The following CDS2 variants were observed in gnomAD, a reference collection of about 807,000 sequenced individuals.
CDS2 encodes CDP-diacylglycerol synthase 2.
A neutral mutation model predicts 59.0 loss-of-function variants in CDS2; 47 were observed. The observed-to-expected ratio is 0.80, with a 90% CI of 0.63 to 1.02. The LOEUF (loss-of-function observed/expected upper bound fraction) is 1.02. Among genes scored for constraint, CDS2 ranks in the 50% least tolerant of loss-of-function variants. CDS2 has a pLI of 0.00. For missense variants in CDS2, 356 were observed against 558.9 expected, an observed-to-expected ratio of 0.64 and a Z score of 3.66; for synonymous variants, 207 against 206.4, an observed-to-expected ratio of 1.00 and a Z score of -0.02.
At chr20:5,145,822 G>GTTTTTTTTTTTTT (rs11470811) in intron 1 of CDS2, among the ~76,000 whole-genome samples, 4 of 129,262 alleles carry the variant, frequency 3.1e-5, no homozygotes, top group South Asian at 2.5e-4. Context: ...TGCTTTTTGT[G>GTTTTTTTTTTTTT]TTTTTTTTTT....
At chr20:5,135,374 C>T (rs1286411622) in intron 1 of CDS2, among the ~76,000 whole-genome samples, 3 of 152,236 alleles carry the variant, frequency 2.0e-5, no homozygotes, top group Non-Finnish European at 4.4e-5. Flanking sequence ...TGTTAAGCTA[C>T]ATTCTATGTT....
chr20:5,140,032 C>A (rs563264127), intron 1 of CDS2, among the ~76,000 whole-genome samples: 4 of 152,166 alleles, frequency 2.6e-5, no homozygotes, highest in Non-Finnish European at 5.9e-5. Flanking sequence ...GAACTCCTGA[C>A]GTCAGGCGAT....
chr20:5,137,806 GT>G lies in CDS2; in HGVS notation c.57+10667del, dbSNP rs539554964. 3.8e-3 allele frequency among the ~76,000 whole-genome samples: 555 copies of G among 144,854 alleles called. 4 individuals carry two copies. Among genetic ancestry groups the G allele is most frequent in the African/African-American group, 0.013 (528 of 39,526 alleles). ...CTCAAACATTTATCATTTCTTTTTTGTTTTTTTTTTGAGACGGAGTCTCGCT... is the reference window on the plus strand; with the variant it reads ...CTCAAACATTTATCATTTCTTTTTTGTTTTTTTTTGAGACGGAGTCTCGCT... On this transcript the variant is annotated intron_variant, in intron 1 of 12. Coordinates refer to ENST00000460006, the MANE Select transcript of CDS2 (RefSeq NM_003818.4).
chr20:5,182,459 AT>A lies in CDS2; in HGVS notation c.588+15del. ...CAGTTCTACATGGTAAAGGAAATGC[AT>A]GCGTGTGTGTCAGAATTCTTGATTT... On this transcript the variant is annotated intron_variant, in intron 6 of 12. Coordinates refer to ENST00000460006, the MANE Select transcript of CDS2 (RefSeq NM_003818.4). The A allele has an allele frequency of 6.2e-7, 1 of 1,607,338 alleles. No individual in the cohort carries two copies. The highest frequency in any genetic ancestry group is 8.5e-7 in the Non-Finnish European group (1 of 1,175,986).
chr20:5,142,303 C>T (rs1222887874), intron 1 of CDS2, among the ~76,000 whole-genome samples: 1 of 152,094 alleles, frequency 6.6e-6, no homozygotes, highest in Non-Finnish European at 1.5e-5. Flanking sequence ...AAAAATTAGC[C>T]TGGCATGATG....
chr20:5,174,602 G>A (rs1163345681), intron 2 of CDS2, among the ~76,000 whole-genome samples: 1 of 151,980 alleles, frequency 6.6e-6, no homozygotes, highest in Non-Finnish European at 1.5e-5. Context: ...GCAGGCGCCT[G>A]TAGTCCCAGC....
chr20:5,190,002 A>G (rs2091100731), intron 12 of CDS2, 100 bp from the exon 13 acceptor site: 2 of 1,497,788 alleles, frequency 1.3e-6, no homozygotes, highest in Non-Finnish European at 1.8e-6. Context: ...CTGTTAATAG[A>G]TAACTCTCTG....
Position 5,147,706 on chromosome 20 carries a change from AT to A in CDS2, c.57+20568del, listed in dbSNP as rs375421348. 2.8e-3 allele frequency among the ~76,000 whole-genome samples: 407 copies of A among 144,762 alleles called. 1 individual carries two copies. Among genetic ancestry groups the A allele is most frequent in the African/African-American group, 7.3e-3 (290 of 39,652 alleles). 95.0% of individuals were successfully genotyped at this position (144,762 alleles called of 152,430 possible). On this transcript the variant is annotated intron_variant, in intron 1 of 12. Transcript: ENST00000460006. ...GGTGTGAGCCACCCTGTCTGGCCAC[AT>A]TTTTTTTTTTCTTTTTTCTTTCTTT... is the stretch of plus-strand genomic sequence containing the variant.
intron 1 of CDS2, among the ~76,000 whole-genome samples, chr20:5,172,061 A>C (rs909622963): frequency 2.0e-5 from 3 of 152,216 alleles, no homozygotes; most frequent in African/African-American, 7.2e-5. Flanking sequence ...ATTTAGAAAG[A>C]GCTGTCTCCC....
intron 1 of CDS2, among the ~76,000 whole-genome samples, chr20:5,155,563 G>A (rs180975865): frequency 1.3e-5 from 2 of 152,262 alleles, no homozygotes; most frequent in African/African-American, 4.8e-5. Flanking sequence ...TAGCCATGTC[G>A]ATCTCTGCTC....
At chr20:5,139,128 G>T (rs1156400400) in intron 1 of CDS2, among the ~76,000 whole-genome samples, 1 of 152,180 alleles carries the variant, frequency 6.6e-6, no homozygotes, top group Non-Finnish European at 1.5e-5. Context: ...GATCACTTGA[G>T]GCCAGGAGTT....
At chr20:5,141,573 G>T (rs886529440) in intron 1 of CDS2, among the ~76,000 whole-genome samples, 6 of 152,058 alleles carry the variant, frequency 3.9e-5, no homozygotes, top group Non-Finnish European at 8.8e-5. Flanking sequence ...CTGTATATTT[G>T]TATCCAATAT....
chr20:5,134,370 T>C, intron 1 of CDS2, among the ~76,000 whole-genome samples: 1 of 152,224 alleles, frequency 6.6e-6, no homozygotes, highest in Non-Finnish European at 1.5e-5. Context: ...TCTGTATTTC[T>C]GAGAGGGGCT....
Position 5,183,104 on chromosome 20 carries a change from C to A in CDS2, c.632C>A (p.Ser211Ter). The A allele has an allele frequency of 6.2e-7, 1 of 1,614,038 alleles. No individual in the cohort carries two copies. The highest frequency in any genetic ancestry group is 1.1e-5 in the South Asian group (1 of 91,060). Residue 211 changes from serine (S) to a stop codon, truncating the protein, a stop_gained, in exon 7 of 13, where the codon TCA (serine) becomes TAA (stop). Transcript: ENST00000460006. LOFTEE classifies it high-confidence loss of function. ...ACATTGCTGATTGTTGTAACACAGTCACATCTTGTTATCCACAACCTATTT... is the reference window on the plus strand; with the variant it reads ...ACATTGCTGATTGTTGTAACACAGTAACATCTTGTTATCCACAACCTATTT... ...HVTLLIVVTQ[S>*]HLVIHNLFEG...
rs2090909117 is a variant in CDS2 at position 5,165,775 on chromosome 20, A to G, written c.58-7748A>G. Among the ~76,000 whole-genome samples, 5 of 152,294 alleles carry G rather than the reference A, an allele frequency of 3.3e-5. No individual in the cohort carries two copies. In the South Asian group the frequency reaches 1.0e-3, roughly 32 times the overall value. ...GCAGTTGGGGAAGATTTGGAGAGAA[A>G]GGGAACTCTTAAAAGATCAAGGAAA... On this transcript the variant is annotated intron_variant, in intron 1 of 12. Coordinates refer to ENST00000460006, the MANE Select transcript of CDS2 (RefSeq NM_003818.4).
intron 1 of CDS2, among the ~76,000 whole-genome samples, chr20:5,157,216 C>T (rs971916690): frequency 6.6e-6 from 1 of 152,102 alleles, no homozygotes; most frequent in African/African-American, 2.4e-5. Context: ...GTTAATCTTT[C>T]AGGAAACGGT....
intron 1 of CDS2, among the ~76,000 whole-genome samples, chr20:5,156,133 G>A (rs2090832089): frequency 6.6e-6 from 1 of 152,164 alleles, no homozygotes; most frequent in Non-Finnish European, 1.5e-5. Flanking sequence ...TGCCAATTAG[G>A]AGGCCAGCTT....
chr20:5,162,325 T>C (rs2090881315), intron 1 of CDS2, among the ~76,000 whole-genome samples: 1 of 152,208 alleles, frequency 6.6e-6, no homozygotes, highest in Non-Finnish European at 1.5e-5. Context: ...GTAAGTATAA[T>C]GCAAATATTC....
At chr20:5,183,887 G>A (rs1237194810) in intron 7 of CDS2, among the ~76,000 whole-genome samples, 5 of 152,200 alleles carry the variant, frequency 3.3e-5, no homozygotes, top group African/African-American at 9.7e-5. Flanking sequence ...GGGCGGGCGC[G>A]GTGGCTCACG....
Sources: gnomAD v4.1 joint callset for allele counts (sites outside exome capture counted in the v4.1 genomes callset) on GRCh38, gnomAD v4.1.1 for gene constraint, MANE v1.5 for transcripts, NCBI Gene and HGNC (gene_info 2026-07-23, HGNC 2026-07-21) for gene names.